The following PITPNM1 variants were observed in gnomAD, a reference collection of about 807,000 sequenced individuals.
PITPNM1 encodes the protein membrane-associated phosphatidylinositol transfer protein 1.
In PITPNM1, 74 loss-of-function variants were observed where a neutral mutation model predicts 133.3. The observed-to-expected ratio is 0.56, with a 90% CI of 0.46 to 0.67. PITPNM1 has a LOEUF of 0.67. PITPNM1 is among the 30% of genes least tolerant of loss of function. The pLI is 0.00. For missense variants in PITPNM1, 1,398 were observed against 1,739.5 expected (o/e 0.80, Z 3.49); for synonymous variants, 738 against 741.4 (o/e 1.00, Z 0.08).
At position 67,494,726 on chromosome 11, in the gene PITPNM1, G is replaced by A. The variant is rs1212323845; in HGVS notation, c.2742+120C>T. 4 of 669,040 alleles carry A rather than the reference G, an allele frequency of 6.0e-6. No individual in the cohort carries two copies. In the Admixed American group the frequency reaches 6.8e-5, roughly 11 times the overall value. 41.4% of individuals were successfully genotyped at this position (669,040 alleles called of 1,614,324 possible). ...AGGACCCCAGGGGCGGGGCAGGACTGGGAGAGAGTTGGATCGGCTAGGACC... is the reference window on the plus strand; with the variant it reads ...AGGACCCCAGGGGCGGGGCAGGACTAGGAGAGAGTTGGATCGGCTAGGACC... On this transcript the variant is annotated intron_variant, in intron 18 of 23. Coordinates refer to ENST00000356404, the MANE Select transcript of PITPNM1 (RefSeq NM_004910.3).
intron 5 of PITPNM1, among the ~76,000 whole-genome samples, chr11:67,501,326 A>G (rs575411714): frequency 1.6e-4 from 25 of 152,332 alleles, no homozygotes; most frequent in African/African-American, 4.3e-4. Flanking sequence ...GGTCTCTCCA[A>G]CTAGGGACCA....
At position 67,497,231 on chromosome 11, in the gene PITPNM1, C is replaced by T; in HGVS notation, c.2146G>A (p.Ala716Thr). ...LRKTVMPALE[A>T]AQMRPACEQI... The stretch of plus-strand genomic sequence containing the variant: ...CGCCCCCGCAGCCCCTAGGACTCAC[C>T]CTCCAGGGCGGGCATCACAGTTTTG... The change falls in exon 14 of 24, where the codon GCA becomes ACA. Residue 716 changes from alanine (A) to threonine (T), a missense_variant and splice_region_variant. Physicochemically the swap from Ala to Thr is moderately conservative, Grantham distance 58 (BLOSUM62 0). This residue lies in a region of PITPNM1 where 574 missense variants were observed against 698.7 expected (regional missense o/e 0.82). Coordinates refer to ENST00000356404, the MANE Select transcript of PITPNM1 (RefSeq NM_004910.3). 7 of 1,601,522 alleles carry T rather than the reference C, an allele frequency of 4.4e-6. No individual in the cohort carries two copies. Among genetic ancestry groups the T allele is most frequent in the Non-Finnish European group, 6.0e-6 (7 of 1,172,466 alleles).
At position 67,497,420 on chromosome 11, in the gene PITPNM1, C is replaced by T. The variant is rs371545951; in HGVS notation, c.1957G>A (p.Ala653Thr). ...CGGGGCTCCCAGGAGGAGGTGGTTG[C>T]GGGGGCTGCCTGAAGGCTGTGGGGG... Reference protein sequence around the residue: ...GSQNSLQAAPATTSSWEPRRA... With the variant: ...GSQNSLQAAPTTTSSWEPRRA... Residue 653 changes from alanine (A) to threonine (T), a missense_variant, in exon 14 of 24, where the codon GCA becomes ACA. Transcript: ENST00000356404. 24 of 1,586,594 alleles carry T rather than the reference C, an allele frequency of 1.5e-5. No individual in the cohort carries two copies. Among genetic ancestry groups the T allele is most frequent in the East Asian group, 4.5e-5 (2 of 44,322 alleles).
chr11:67,494,319 G>C lies in PITPNM1; in HGVS notation c.2784C>G (p.Cys928Trp), dbSNP rs369890087. 6.2e-7 allele frequency: 1 copy of C among 1,611,512 alleles called. No homozygotes were observed. The highest frequency in any genetic ancestry group is 8.5e-7 in the Non-Finnish European group (1 of 1,179,354). Residue 928 changes from cysteine (C) to tryptophan (W), a missense_variant, in exon 19 of 24, where the codon TGC (cysteine) becomes TGG (tryptophan). By Grantham distance (215) the Cys-to-Trp change is radical (BLOSUM62 -2). Coordinates refer to ENST00000356404, the MANE Select transcript of PITPNM1 (RefSeq NM_004910.3). The stretch of plus-strand genomic sequence containing the variant: ...CGCTTAGCACCTGGGGGCGGCCCTC[G>C]CACACCACCGTGTCGCTCGCCCGGT... ...SNHRASDTVV[C>W]EGRPQVLSGR...
At position 67,497,649 on chromosome 11, in the gene PITPNM1, G is replaced by A; in HGVS notation, c.1813C>T (p.Pro605Ser). ...CCATCTGCCAGGGGGTCCCGCACTG[G>A]GCCAAACTCCGGAGAGAGCAGCTCA... The part of the protein sequence containing the change: ...NNELLSPEFG[P>S]VRDPLADGVE... Residue 605 changes from proline (P) to serine (S), a missense_variant, in exon 13 of 24, where the codon CCA becomes TCA. This residue lies in a region of PITPNM1 where 574 missense variants were observed against 698.7 expected (regional missense o/e 0.82). Coordinates refer to ENST00000356404, the MANE Select transcript of PITPNM1 (RefSeq NM_004910.3). 2 of 1,611,138 alleles carry A rather than the reference G, an allele frequency of 1.2e-6. No homozygotes were observed. Among genetic ancestry groups the A allele is most frequent in the Non-Finnish European group, 1.7e-6 (2 of 1,179,398 alleles).
In PITPNM1 at chr11:67,494,280, G is replaced by A; in HGVS notation, c.2823C>T (p.Tyr941=). 2 of 1,612,560 alleles carry A rather than the reference G, an allele frequency of 1.2e-6. No homozygotes were observed. The highest frequency in any genetic ancestry group is 1.7e-6 in the Non-Finnish European group (2 of 1,179,820). ...RPQVLSGRFM[Y]GPLDVVTLTG... Reference sequence around the variant, plus strand: ...TGAGCGTGACGACGTCCAGGGGCCCGTACATGAAGCGCCCGCTTAGCACCT... The same window carrying A: ...TGAGCGTGACGACGTCCAGGGGCCCATACATGAAGCGCCCGCTTAGCACCT... Residue 941 remains tyrosine, a synonymous_variant, in exon 19 of 24, where the codon TAC becomes TAT. Transcript: ENST00000356404.
At chr11:67,495,378 G>A in intron 16 of PITPNM1, 60 bp downstream of exon 16, 4 of 1,458,386 alleles carry the variant, frequency 2.7e-6, no homozygotes, top group African/African-American at 1.4e-5. Flanking sequence ...GCTGGGCTTC[G>A]GAGGTGGAAT....
Position 67,499,945 on chromosome 11 carries a change from G to A in PITPNM1, c.1032C>T (p.Asn344=). Residue 344 remains asparagine, a synonymous_variant, in exon 7 of 24, where the codon AAC becomes AAT. Coordinates refer to ENST00000356404, the MANE Select transcript of PITPNM1 (RefSeq NM_004910.3). ...CATCAAAGAACTCTTCCTCGGAGCT[G>A]TTCTCAGAGTCTCGGGCAATGTTCT... The part of the protein sequence containing the change: ...RMQNIARDSE[N]SSEEEFFDAH... 2 of 1,612,512 alleles carry A rather than the reference G, an allele frequency of 1.2e-6. No homozygotes were observed. Among genetic ancestry groups the A allele is most frequent in the South Asian group, 1.1e-5 (1 of 91,082 alleles).
intron 2 of PITPNM1, among the ~76,000 whole-genome samples, chr11:67,503,022 C>T (rs189612397): frequency 2.0e-5 from 3 of 152,290 alleles, no homozygotes; most frequent in Admixed American, 2.0e-4. Context: ...AACAAAGATC[C>T]CTGCCCTCGT....
In PITPNM1 at chr11:67,498,898, G is replaced by A; in HGVS notation, c.1233+42C>T. On this transcript the variant is annotated intron_variant, in intron 9 of 23. Transcript: ENST00000356404. This position sits in a 1 kb window ranked among gnomAD's most constrained non-coding sequence, Gnocchi z 5.7. ...GTGTCACAGCAGTGGCCGGGCCAGT[G>A]AGTAGGGGGAGCTTTGACATGGGGT... 1 of 1,611,258 alleles carries A rather than the reference G, an allele frequency of 6.2e-7. No homozygotes were observed. Among genetic ancestry groups the A allele is most frequent in the Non-Finnish European group, 8.5e-7 (1 of 1,178,408 alleles).
intron 18 of PITPNM1, 38 bp from the exon 19 acceptor site, chr11:67,494,398 A>G (rs1866038008): frequency 7.3e-7 from 1 of 1,378,706 alleles, no homozygotes. Flanking sequence ...CGGCCAGCAA[A>G]GGATGGGGAT....
chr11:67,495,812 T>G (rs1866100022), intron 15 of PITPNM1, among the ~76,000 whole-genome samples: 1 of 152,234 alleles, frequency 6.6e-6, no homozygotes, highest in Admixed American at 6.5e-5. Context: ...GCTGCACACC[T>G]GTGCCCAACA....
In PITPNM1 at chr11:67,502,451, C is replaced by T. The variant is rs146869597; in HGVS notation, c.294-38G>A. The T allele has an allele frequency of 1.2e-5, 19 of 1,613,640 alleles. No homozygotes were observed. In the East Asian group the frequency reaches 4.2e-4, roughly 36 times the overall value. On this transcript the variant is annotated intron_variant, in intron 3 of 23. Transcript: ENST00000356404. The surrounding 1 kb of genome is among the most constrained non-coding windows in gnomAD (Gnocchi z 5.9). ...CACGGGTGAGGCTCACTGCTGTACCCACCAGGGCCGCTCCCCTCCTGGCCT... is the reference window on the plus strand; with the variant it reads ...CACGGGTGAGGCTCACTGCTGTACCTACCAGGGCCGCTCCCCTCCTGGCCT...
Position 67,497,509 on chromosome 11 carries a change from G to A in PITPNM1, c.1940+13C>T. 6.2e-7 allele frequency: 1 copy of A among 1,604,446 alleles called. No homozygotes were observed. The highest frequency in any genetic ancestry group is 8.5e-7 in the Non-Finnish European group (1 of 1,176,218). The stretch of plus-strand genomic sequence containing the variant: ...ATGTGCCCAGGGTAGGGGTGATGGG[G>A]CAGGGACGTCACCTGTTCTGAGAGC... On this transcript the variant is annotated intron_variant, in intron 13 of 23. Transcript: ENST00000356404.
intron 22 of PITPNM1, 96 bp from the exon 23 acceptor site, chr11:67,493,158 TC>T: frequency 6.8e-7 from 1 of 1,469,864 alleles, no homozygotes; most frequent in Non-Finnish European, 9.4e-7. Flanking sequence ...TGGGGGTGGG[TC>T]CAGGCAGACG....
intron 14 of PITPNM1, 22 bp downstream of exon 14, chr11:67,497,209 C>G: frequency 1.3e-6 from 2 of 1,563,622 alleles, no homozygotes; most frequent in Non-Finnish European, 8.7e-7. Context: ...CTAGAGGCGC[C>G]CCCGCAGCCC....
Position 67,499,000 on chromosome 11 carries a change from C to T in PITPNM1, c.1173G>A (p.Glu391=), listed in dbSNP as rs2134306727. ...TGCCTTTAGCTGCCTCGGCTCCAGG[C>T]TCTGCAGGGCAACGAAGCCAGTGAG... is the stretch of plus-strand genomic sequence containing the variant. The part of the protein sequence containing the change: ...ASPVEAEGTP[E]PGAEAAKGIE... Residue 391 remains glutamate, a splice_region_variant and synonymous_variant, in exon 9 of 24, where the codon GAG becomes GAA. Transcript: ENST00000356404. The surrounding 1 kb of genome is among the most constrained non-coding windows in gnomAD (Gnocchi z 5.7). 1.2e-6 allele frequency: 2 copies of T among 1,610,708 alleles called. No individual in the cohort carries two copies. The highest frequency in any genetic ancestry group is 2.2e-5 in the East Asian group (1 of 44,856).
chr11:67,499,885 C>T, intron 7 of PITPNM1, 29 bp downstream of exon 7: 1 of 1,603,176 alleles, frequency 6.2e-7, no homozygotes, highest in South Asian at 1.1e-5. Context: ...GGGGACATCC[C>T]CACTCCCAAA....
In PITPNM1 at chr11:67,496,229, C is replaced by T. The variant is rs566948134; in HGVS notation, c.2266G>A (p.Val756Met). 8.4e-6 allele frequency: 13 copies of T among 1,552,716 alleles called. No individual in the cohort carries two copies. Among genetic ancestry groups the T allele is most frequent in the African/African-American group, 2.8e-5 (2 of 70,726 alleles). ...AGGGGGAACTTCTGGTAGCGGGGCA[C>T]GGTCAGTGGGGCGATGGCCTGGAAC... ...PKFQAIAPLTVPRYQKFPLGD... is the reference protein window; with the variant it reads ...PKFQAIAPLTMPRYQKFPLGD... Residue 756 changes from valine to methionine, a missense_variant, in exon 15 of 24, where the codon GTG (valine) becomes ATG (methionine). Physicochemically the swap from Val to Met is conservative, Grantham distance 21. Coordinates refer to ENST00000356404, the MANE Select transcript of PITPNM1 (RefSeq NM_004910.3).
Sources: allele counts gnomAD v4.1 joint callset (sites outside exome capture counted in the v4.1 genomes callset), GRCh38; gene constraint gnomAD v4.1.1; regional missense constraint gnomAD v4.1.1; non-coding constraint Gnocchi (gnomAD v3.1); transcripts MANE v1.5; gene names NCBI Gene and HGNC (gene_info 2026-07-23, HGNC 2026-07-21).